DSCAM: variants seen among roughly 807,000 people sequenced by gnomAD.
The protein encoded by DSCAM is DS cell adhesion molecule.
DSCAM carries 47 observed loss-of-function variants against 217.7 expected under a neutral mutation model. The ratio of observed to expected loss-of-function variants is 0.22; its 90% CI spans 0.17 to 0.28. The LOEUF (loss-of-function observed/expected upper bound fraction) is 0.28, where lower values mean the gene tolerates loss of function less well. Ranked by LOEUF, DSCAM falls within the 10% of genes least tolerant of loss-of-function variation. DSCAM has a pLI of 1.00. For missense variants in DSCAM, 2,080 were observed against 2,618.3 expected (o/e 0.79, Z 4.49); for synonymous variants, 1,056 against 1,015.3 (o/e 1.04, Z -0.76).
intron 2 of DSCAM, among the ~76,000 whole-genome samples, chr21:40,694,504 A>T (rs2090575055): frequency 6.6e-6 from 1 of 152,192 alleles, no homozygotes; most frequent in Non-Finnish European, 1.5e-5. Flanking sequence ...GCATTTTTGT[A>T]GTAAAGCATG....
At chr21:40,291,991 G>A (rs2073898043) in intron 10 of DSCAM, among the ~76,000 whole-genome samples, 1 of 152,126 alleles carries the variant, frequency 6.6e-6, no homozygotes, top group South Asian at 2.1e-4. Context: ...TGACATACAT[G>A]CAAGAGAATG....
Position 40,616,808 on chromosome 21 carries a change from G to C in DSCAM, c.508+76002C>G, listed in dbSNP as rs560181941. Among the ~76,000 whole-genome samples the C allele has an allele frequency of 4.5e-3, 688 of 152,034 alleles. 8 individuals carry two copies. The highest frequency in any genetic ancestry group is 0.016 in the African/African-American group (646 of 41,526). ...CGAGGCGAGCGGATCACGAGGTCAG[G>C]AGATCGAGACAATCCCGGCTAAAAC... On this transcript the variant is annotated intron_variant, in intron 3 of 32. Coordinates refer to ENST00000400454, the MANE Select transcript of DSCAM (RefSeq NM_001389.5).
At chr21:40,205,748 G>A (rs79978274) in intron 11 of DSCAM, among the ~76,000 whole-genome samples, 406 of 152,014 alleles carry the variant, frequency 2.7e-3, no homozygotes, top group Middle Eastern at 0.014. Context: ...TCTTTGCCTC[G>A]GTGAATATTA....
intron 1 of DSCAM, among the ~76,000 whole-genome samples, chr21:40,802,428 T>G (rs1057047287): frequency 6.6e-6 from 1 of 152,170 alleles, no homozygotes; most frequent in Non-Finnish European, 1.5e-5. Flanking sequence ...ACTTTGGGGT[T>G]ATGGGGATGG....
intron 11 of DSCAM, among the ~76,000 whole-genome samples, chr21:40,267,276 T>A (rs1199629566): frequency 6.6e-6 from 1 of 150,912 alleles, no homozygotes; most frequent in Non-Finnish European, 1.5e-5. Context: ...TTTTTTTTTT[T>A]ATAAGTAGAA....
At chr21:40,774,124 A>G (rs370890302) in intron 1 of DSCAM, among the ~76,000 whole-genome samples, 3 of 152,240 alleles carry the variant, frequency 2.0e-5, no homozygotes, top group African/African-American at 7.2e-5. Context: ...TTTGCACACC[A>G]CATCATACAG....
intron 3 of DSCAM, among the ~76,000 whole-genome samples, chr21:40,543,170 A>G (rs571992580): frequency 7.2e-5 from 11 of 152,372 alleles, no homozygotes; most frequent in Admixed American, 5.9e-4. Flanking sequence ...TCAGACAAGT[A>G]AGATTCCTCT....
intron 3 of DSCAM, among the ~76,000 whole-genome samples, chr21:40,625,657 T>A (rs2146307962): frequency 6.6e-6 from 1 of 152,336 alleles, no homozygotes; most frequent in Non-Finnish European, 1.5e-5. Flanking sequence ...CTCAAGGATG[T>A]CATTACGTCT....
At chr21:40,826,335 C>T (rs1327328034) in intron 1 of DSCAM, among the ~76,000 whole-genome samples, 3 of 152,154 alleles carry the variant, frequency 2.0e-5, no homozygotes, top group Admixed American at 2.0e-4. Context: ...GCTGTAGAAA[C>T]ATCCAGGTGG....
At chr21:40,059,535 A>G (rs2089081624) in intron 28 of DSCAM, among the ~76,000 whole-genome samples, 1 of 152,154 alleles carries the variant, frequency 6.6e-6, no homozygotes. Context: ...CTGAGTGGGT[A>G]TGTTCTGCTG....
At chr21:40,194,385 G>A (rs9975396) in intron 11 of DSCAM, among the ~76,000 whole-genome samples, 4,577 of 152,290 alleles carry the variant, frequency 0.03, 90 homozygotes, top group Middle Eastern at 0.058. Flanking sequence ...AGTTATGGAT[G>A]CCTAGAGATG....
rs574745201 is a variant in DSCAM, at chr21:40,223,619, C to G, written c.2357-34381G>C. Among the ~76,000 whole-genome samples the G allele has an allele frequency of 5.3e-5, 8 of 152,254 alleles. No homozygotes were observed. The East Asian group carries it at 1.4e-3, about 26-fold the overall frequency. ...CACATGCTCAGACACATCCATGTAT[C>G]TATCTAAATAGATTTTTTTGTCTTT... On this transcript the variant is annotated intron_variant, in intron 11 of 32. Coordinates refer to ENST00000400454, the MANE Select transcript of DSCAM (RefSeq NM_001389.5).
chr21:40,613,855 A>T (rs2089349244), intron 3 of DSCAM, among the ~76,000 whole-genome samples: 1 of 152,108 alleles, frequency 6.6e-6, no homozygotes, highest in African/African-American at 2.4e-5. Context: ...CTTGGTGCCC[A>T]TTTGCTGATT....
At chr21:40,423,750 G>T (rs139575417) in intron 3 of DSCAM, among the ~76,000 whole-genome samples, 1 of 152,078 alleles carries the variant, frequency 6.6e-6, no homozygotes, top group African/African-American at 2.4e-5. Context: ...ATTCGCTGCC[G>T]GTAACTCAGA....
intron 3 of DSCAM, among the ~76,000 whole-genome samples, chr21:40,548,559 C>T (rs917768544): frequency 3.3e-5 from 5 of 151,044 alleles, no homozygotes; most frequent in Non-Finnish European, 7.4e-5. Flanking sequence ...TTTGTATTTC[C>T]TTTTCTAAAT....
rs566630112 is a variant in DSCAM at position 40,310,208 on chromosome 21, A to T, written c.2062+1873T>A. ...AACCACTAACTAGTGATTTTTGGGA[A>T]AAAAGAACAATTCCCCAGAGATCTG... On this transcript the variant is annotated intron_variant, in intron 9 of 32. Coordinates refer to ENST00000400454, the MANE Select transcript of DSCAM (RefSeq NM_001389.5). Among the ~76,000 whole-genome samples the T allele has an allele frequency of 2.0e-5, 3 of 152,342 alleles. No homozygotes were observed. The East Asian group carries it at 5.8e-4, about 29-fold the overall frequency.
chr21:40,085,527 T>C, intron 23 of DSCAM, 75 bp downstream of exon 23: 1 of 1,287,936 alleles, frequency 7.8e-7, no homozygotes, highest in South Asian at 2.6e-5. Flanking sequence ...ATTTTAAAAT[T>C]TGTTCAGTGC....
intron 1 of DSCAM, among the ~76,000 whole-genome samples, chr21:40,827,810 A>G (rs2091982382): frequency 6.6e-6 from 1 of 152,204 alleles, no homozygotes; most frequent in African/African-American, 2.4e-5. Context: ...TGTGATAAGA[A>G]GCATGAGCAA....
intron 32 of DSCAM, among the ~76,000 whole-genome samples, chr21:40,022,342 C>A (rs1443348676): frequency 6.6e-6 from 1 of 152,144 alleles, no homozygotes. Context: ...GCCCCTGCCA[C>A]GAAGAATGAT....
Sources: allele counts gnomAD v4.1 joint callset (sites outside exome capture counted in the v4.1 genomes callset), GRCh38; gene constraint gnomAD v4.1.1; transcripts MANE v1.5; gene names NCBI Gene and HGNC (gene_info 2026-07-23, HGNC 2026-07-21).